The following ZNF608 variants were observed in gnomAD, a reference collection of about 807,000 sequenced individuals.
ZNF608 encodes the protein zinc finger protein 608.
ZNF608 carries 12 observed loss-of-function variants against 109.0 expected under a neutral mutation model. That is an observed-to-expected ratio of 0.11 (90% confidence interval 0.07 to 0.18). The LOEUF (loss-of-function observed/expected upper bound fraction) is 0.18. ZNF608 is among the 10% of genes least tolerant of loss of function. ZNF608 has a pLI of 1.00. For missense variants in ZNF608, 1,707 were observed against 1,879.3 expected (o/e 0.91, Z 1.70); for synonymous variants, 732 against 717.4 (o/e 1.02, Z -0.33).
chr5:124,709,205 T>TTCTGCATGG (rs1753391653), intron 2 of ZNF608, among the ~76,000 whole-genome samples: 2 of 111,802 alleles, frequency 1.8e-5, no homozygotes, highest in South Asian at 6.4e-4. Context: ...AAAATCTGGG[T>TTCTGCATGG]TCTGCATGGT....
chr5:124,694,441 C>G (rs544076168), intron 3 of ZNF608, among the ~76,000 whole-genome samples: 1 of 151,942 alleles, frequency 6.6e-6, no homozygotes, highest in South Asian at 2.1e-4. Context: ...AGTAAATATA[C>G]AGATTTGATT....
At chr5:124,743,886 A>G (rs1336778490) in intron 2 of ZNF608, among the ~76,000 whole-genome samples, 198 bp downstream of exon 2, 2 of 152,086 alleles carry the variant, frequency 1.3e-5, no homozygotes, top group African/African-American at 2.4e-5. Flanking sequence ...AGCAGCAAGG[A>G]CAGCAGAAGC....
intron 3 of ZNF608, among the ~76,000 whole-genome samples, chr5:124,674,082 A>AT (rs1227794229): frequency 6.6e-6 from 1 of 152,222 alleles, no homozygotes; most frequent in African/African-American, 2.4e-5. Context: ...CCAAACTTGC[A>AT]TTATCATAAA....
chr5:124,639,686 T>C (rs1195074444), intron 8 of ZNF608, among the ~76,000 whole-genome samples: 1 of 152,182 alleles, frequency 6.6e-6, no homozygotes, highest in Non-Finnish European at 1.5e-5. Context: ...TAAATCAAAC[T>C]TAGAAATGCT....
At chr5:124,686,479 C>T (rs921709870) in intron 3 of ZNF608, among the ~76,000 whole-genome samples, 5 of 152,212 alleles carry the variant, frequency 3.3e-5, no homozygotes, top group African/African-American at 1.2e-4. Context: ...AAGCCAATGC[C>T]CCAGTCCCAG....
At chr5:124,664,902 G>A (rs368355560) in intron 3 of ZNF608, among the ~76,000 whole-genome samples, 55 of 152,268 alleles carry the variant, frequency 3.6e-4, no homozygotes, top group African/African-American at 1.1e-3. Context: ...AAGGCTGGGC[G>A]CAGTGGCTCA....
At chr5:124,743,491 G>A (rs1304441204) in intron 2 of ZNF608, among the ~76,000 whole-genome samples, 1 of 152,086 alleles carries the variant, frequency 6.6e-6, no homozygotes, top group Non-Finnish European at 1.5e-5. Flanking sequence ...GTTTCATTCA[G>A]GACCAATAAC....
At chr5:124,738,285 AT>A (rs1160581989) in intron 2 of ZNF608, among the ~76,000 whole-genome samples, 1 of 152,168 alleles carries the variant, frequency 6.6e-6, no homozygotes, top group African/African-American at 2.4e-5. Flanking sequence ...AAGAAGGGTT[AT>A]TTTCCCTAAG....
chr5:124,714,272 G>C (rs1164044923), intron 2 of ZNF608, among the ~76,000 whole-genome samples: 2 of 152,162 alleles, frequency 1.3e-5, no homozygotes, highest in African/African-American at 2.4e-5. Flanking sequence ...CCCCATAAGT[G>C]AATGAATTAC....
At chr5:124,724,900 C>T (rs138235062) in intron 2 of ZNF608, among the ~76,000 whole-genome samples, 2 of 152,136 alleles carry the variant, frequency 1.3e-5, no homozygotes, top group African/African-American at 4.8e-5. Flanking sequence ...TAAGTCACAG[C>T]CTGTCCCTCC....
intron 2 of ZNF608, among the ~76,000 whole-genome samples, chr5:124,702,436 T>C (rs1467437803): frequency 1.6e-4 from 3 of 18,846 alleles, no homozygotes; most frequent in Non-Finnish European, 4.0e-4. Context: ...TGCTGTTCAC[T>C]GTAAGTTATC....
chr5:124,707,345 G>A (rs368482199), intron 2 of ZNF608, among the ~76,000 whole-genome samples: 12 of 152,208 alleles, frequency 7.9e-5, no homozygotes, highest in African/African-American at 2.9e-4. Flanking sequence ...CCTCCAGAAG[G>A]CAGAGAGATT....
intron 2 of ZNF608, among the ~76,000 whole-genome samples, chr5:124,739,985 T>C (rs1415006945): frequency 6.6e-6 from 1 of 152,220 alleles, no homozygotes; most frequent in African/African-American, 2.4e-5. Context: ...TAAAACCATC[T>C]TGCAGCCAAG....
rs1408467763 is a variant in ZNF608, at chr5:124,641,356, C to T, written c.4346G>A (p.Arg1449Lys). The change falls in exon 8 of 10, where the codon AGG (arginine) becomes AAG (lysine). Residue 1449 changes from arginine to lysine, a missense_variant. Around this residue, in one of 7 missense-constraint regions of ZNF608, gnomAD observed 1,073 missense variants for 1,133.5 expected, o/e 0.95. Coordinates refer to ENST00000513986, the MANE Select transcript of ZNF608 (RefSeq NM_020747.3). ...AEREREAERE[R>K]DRHSPFGQRH... The stretch of plus-strand genomic sequence containing the variant: ...CTGGCCGAAGGGGGAGTGGCGATCC[C>T]TTTCCCTTTCTGCCTCCCGTTCCCG... The T allele has an allele frequency of 4.3e-6, 7 of 1,613,984 alleles. No individual in the cohort carries two copies. The Admixed American group carries it at 6.7e-5, about 15-fold the overall frequency.
intron 3 of ZNF608, among the ~76,000 whole-genome samples, chr5:124,675,397 G>C (rs1334315326): frequency 1.3e-5 from 2 of 152,190 alleles, no homozygotes; most frequent in African/African-American, 2.4e-5. Flanking sequence ...TCTATTTGAA[G>C]ACTGCTTTCT....
rs762888093 is a variant in ZNF608 at position 124,647,490 on chromosome 5, G to T, written c.2894C>A (p.Pro965Gln). The change falls in exon 5 of 10, where the codon CCA (proline) becomes CAA (glutamine). Residue 965 changes from proline to glutamine, a missense_variant. By Grantham distance (76) the Pro-to-Gln change is moderately conservative (BLOSUM62 -1). Transcript: ENST00000513986. ...SEGMRSKASSPSDIISSKDSV... is the reference protein window; with the variant it reads ...SEGMRSKASSQSDIISSKDSV... The stretch of plus-strand genomic sequence containing the variant: ...GTCCTTACTAGAAATAATATCTGAT[G>T]GGGAACTGGCCTTTGATCTCATACC... 2 of 1,614,086 alleles carry T rather than the reference G, an allele frequency of 1.2e-6. No individual in the cohort carries two copies. Among genetic ancestry groups the T allele is most frequent in the Admixed American group, 3.3e-5 (2 of 60,008 alleles).
At position 124,744,320 on chromosome 5, in the gene ZNF608, C is replaced by T; in HGVS notation, c.670G>A (p.Gly224Ser). The T allele has an allele frequency of 6.2e-7, 1 of 1,614,204 alleles. No homozygotes were observed. The highest frequency in any genetic ancestry group is 8.5e-7 in the Non-Finnish European group (1 of 1,180,046). The change falls in exon 2 of 10, where the codon GGC becomes AGC. Residue 224 changes from glycine (G) to serine (S), a missense_variant. Coordinates refer to ENST00000513986, the MANE Select transcript of ZNF608 (RefSeq NM_020747.3). This position sits in a 1 kb window ranked among gnomAD's most constrained non-coding sequence, Gnocchi z 4.5. ...KHDLLQGHQN[G>S]SGSQAPSGGH... is the part of the protein sequence containing the mutation. The stretch of plus-strand genomic sequence containing the variant: ...CCGGAAGGGGCCTGGCTGCCACTGC[C>T]ATTCTGGTGGCCCTGAAGCAGGTCG...
chr5:124,725,185 T>C (rs1754090690), intron 2 of ZNF608, among the ~76,000 whole-genome samples: 1 of 152,072 alleles, frequency 6.6e-6, no homozygotes, highest in South Asian at 2.1e-4. Context: ...AGGTCCCTAC[T>C]CAAACATAAA....
intron 3 of ZNF608, among the ~76,000 whole-genome samples, chr5:124,655,664 A>T (rs1370687259): frequency 6.6e-6 from 1 of 152,210 alleles, no homozygotes; most frequent in Non-Finnish European, 1.5e-5. Context: ...TATTTCAGAT[A>T]TCATATTACC....
Sources: allele counts gnomAD v4.1 joint callset (sites outside exome capture counted in the v4.1 genomes callset), GRCh38; gene constraint gnomAD v4.1.1; regional missense constraint gnomAD v4.1.1; non-coding constraint Gnocchi (gnomAD v3.1); transcripts MANE v1.5; gene names NCBI Gene and HGNC (gene_info 2026-07-23, HGNC 2026-07-21).